ZCCHC7: variants seen among roughly 807,000 people sequenced by gnomAD.
The protein encoded by ZCCHC7 is zinc finger CCHC-type containing 7, also known as zinc finger CCHC domain-containing protein 7.
Under a neutral mutation model 52.0 loss-of-function variants are expected in ZCCHC7, and 35 were observed. The observed-to-expected ratio is 0.67, with a 90% CI of 0.51 to 0.89. The LOEUF (loss-of-function observed/expected upper bound fraction) is 0.89. Among genes scored for constraint, ZCCHC7 ranks in the 40% least tolerant of loss-of-function variants. ZCCHC7 has a pLI of 0.00. For synonymous variants in ZCCHC7, 217 were observed against 221.5 expected (o/e 0.98, Z 0.18); for missense variants, 574 against 649.1 (o/e 0.88, Z 1.26).
intron 2 of ZCCHC7, among the ~76,000 whole-genome samples, chr9:37,297,981 G>A (rs1828861710): frequency 6.6e-6 from 1 of 152,154 alleles, no homozygotes; most frequent in African/African-American, 2.4e-5. Flanking sequence ...TGTGAATGCA[G>A]TCTGATATCA....
At chr9:37,347,266 A>T (rs936565664) in intron 6 of ZCCHC7, among the ~76,000 whole-genome samples, 1 of 152,070 alleles carries the variant, frequency 6.6e-6, no homozygotes, top group Non-Finnish European at 1.5e-5. Context: ...CATTCTATAA[A>T]CAGATTCCAC....
chr9:37,283,008 T>G (rs571031316), intron 2 of ZCCHC7, among the ~76,000 whole-genome samples: 1 of 151,830 alleles, frequency 6.6e-6, no homozygotes, highest in Admixed American at 6.6e-5. Flanking sequence ...AACTCAATCA[T>G]GCTACTACTA....
intron 2 of ZCCHC7, among the ~76,000 whole-genome samples, chr9:37,276,889 C>T (rs1488737309): frequency 6.6e-6 from 1 of 152,136 alleles, no homozygotes; most frequent in African/African-American, 2.4e-5. Flanking sequence ...CTTCTACATG[C>T]ATCATATTTT....
At chr9:37,241,159 A>G (rs1461913408) in intron 2 of ZCCHC7, among the ~76,000 whole-genome samples, 1 of 151,808 alleles carries the variant, frequency 6.6e-6, no homozygotes, top group Non-Finnish European at 1.5e-5. Context: ...ATGTTTATTT[A>G]AGAATTTTGC....
intron 2 of ZCCHC7, among the ~76,000 whole-genome samples, chr9:37,301,963 C>A (rs536884712): frequency 1.3e-5 from 2 of 152,096 alleles, no homozygotes; most frequent in African/African-American, 4.8e-5. Context: ...AGGGAAAATA[C>A]TATTATCCCA....
At chr9:37,317,469 C>T (rs1829872053) in intron 5 of ZCCHC7, among the ~76,000 whole-genome samples, 2 of 152,108 alleles carry the variant, frequency 1.3e-5, no homozygotes, top group African/African-American at 4.8e-5. Flanking sequence ...TGCAGCTACT[C>T]AGGAGGCTGA....
chr9:37,144,861 A>C (rs954605500), intron 2 of ZCCHC7: 2 of 151,972 alleles, frequency 1.3e-5, no homozygotes, highest in African/African-American at 2.4e-5. Flanking sequence ...TGCCTAGCCC[A>C]CCCCTTCTGG....
intron 2 of ZCCHC7, among the ~76,000 whole-genome samples, chr9:37,258,294 AGAGAACATGT>A (rs1461864807): frequency 3.9e-5 from 6 of 152,168 alleles, no homozygotes; most frequent in Non-Finnish European, 5.9e-5. Flanking sequence ...GTTGCTTTAA[AGAGAACATGT>A]GAGATAAGAT....
Position 37,271,634 on chromosome 9 carries a change from A to G in ZCCHC7, c.611-30554A>G, listed in dbSNP as rs1588586420. Among the ~76,000 whole-genome samples the G allele has an allele frequency of 1.3e-5, 2 of 152,258 alleles. 1 individual carries two copies. The highest frequency in any genetic ancestry group is 1.3e-4 in the Admixed American group (2 of 15,286). On this transcript the variant is annotated intron_variant, in intron 2 of 8. Coordinates refer to ENST00000336755, the MANE Select transcript of ZCCHC7 (RefSeq NM_032226.3). ...GCCCAGGCTAGAGTGCAGTGGCACA[A>G]TCTCGGCTCACTGCAACCTCCGCCC...
chr9:37,149,667 T>C (rs1226482678), intron 2 of ZCCHC7, among the ~76,000 whole-genome samples: 2 of 152,204 alleles, frequency 1.3e-5, no homozygotes, highest in Non-Finnish European at 2.9e-5. Context: ...ATTCTTATTA[T>C]AGTGTTTCGC....
At chr9:37,345,935 A>G (rs1198974027) in intron 6 of ZCCHC7, among the ~76,000 whole-genome samples, 4 of 152,208 alleles carry the variant, frequency 2.6e-5, no homozygotes, top group Non-Finnish European at 5.9e-5. Flanking sequence ...TAAGAGCTGA[A>G]AGTAAAGTTG....
intron 2 of ZCCHC7, among the ~76,000 whole-genome samples, chr9:37,188,635 C>T: frequency 3.6e-5 from 1 of 28,034 alleles, no homozygotes; most frequent in Non-Finnish European, 6.7e-5. Context: ...CCCCTCCTTT[C>T]CCCTCCCCCT....
At chr9:37,156,188 T>G (rs1820802311) in intron 2 of ZCCHC7, among the ~76,000 whole-genome samples, 1 of 152,242 alleles carries the variant, frequency 6.6e-6, no homozygotes, top group Non-Finnish European at 1.5e-5. Flanking sequence ...TTTGTTTCCC[T>G]TTTTCGTTAG....
At chr9:37,254,678 T>C (rs1826488831) in intron 2 of ZCCHC7, among the ~76,000 whole-genome samples, 1 of 151,994 alleles carries the variant, frequency 6.6e-6, no homozygotes. Context: ...AGAGTAAGTA[T>C]GTGAAAGTAC....
At chr9:37,145,694 T>C (rs74455741) in intron 2 of ZCCHC7, among the ~76,000 whole-genome samples, 7,728 of 151,980 alleles carry the variant, frequency 0.051, 645 homozygotes, top group African/African-American at 0.17. Context: ...CTTTTAAAAC[T>C]ACTTATTAGA....
chr9:37,302,271 C>A lies in ZCCHC7; in HGVS notation c.654+40C>A, dbSNP rs374635559. ...TTTTTAAAATTCAGAATAATAATTT[C>A]CTTTGCTTCATAGTTTATTATGATA... is the stretch of plus-strand genomic sequence containing the variant. On this transcript the variant is annotated intron_variant, in intron 3 of 8. Coordinates refer to ENST00000336755, the MANE Select transcript of ZCCHC7 (RefSeq NM_032226.3). 3.4e-6 allele frequency: 5 copies of A among 1,490,486 alleles called. No homozygotes were observed. In the South Asian group the frequency reaches 5.8e-5, roughly 17 times the overall value. 92.3% of individuals were successfully genotyped at this position (1,490,486 alleles called of 1,614,324 possible).
At chr9:37,275,800 G>A (rs1295669814) in intron 2 of ZCCHC7, among the ~76,000 whole-genome samples, 1 of 151,958 alleles carries the variant, frequency 6.6e-6, no homozygotes, top group Non-Finnish European at 1.5e-5. Context: ...CCACCACCAT[G>A]CCTGGCTAAT....
chr9:37,162,738 G>A (rs1191618587), intron 2 of ZCCHC7, among the ~76,000 whole-genome samples: 1 of 152,166 alleles, frequency 6.6e-6, no homozygotes, highest in African/African-American at 2.4e-5. Flanking sequence ...GAGTGGAATG[G>A]CTGAATTGTA....
Position 37,342,191 on chromosome 9 carries a change from A to G in ZCCHC7, c.988-7166A>G, listed in dbSNP as rs112247100. Reference sequence around the variant, plus strand: ...AAGAGGTGGATGTATTTGCAGAGCCAACAAGCTTTGCTGATGGGCTGGGTA... The same window carrying G: ...AAGAGGTGGATGTATTTGCAGAGCCGACAAGCTTTGCTGATGGGCTGGGTA... On this transcript the variant is annotated intron_variant, in intron 6 of 8. Transcript: ENST00000336755. 4.6e-5 allele frequency among the ~76,000 whole-genome samples: 7 copies of G among 152,312 alleles called. 1 individual carries two copies. The highest frequency in any genetic ancestry group is 1.7e-4 in the African/African-American group (7 of 41,574).
Sources: allele counts gnomAD v4.1 joint callset (sites outside exome capture counted in the v4.1 genomes callset), GRCh38; gene constraint gnomAD v4.1.1; transcripts MANE v1.5; gene names NCBI Gene and HGNC (gene_info 2026-07-23, HGNC 2026-07-21).